The following RFX3 variants were observed in gnomAD, a reference collection of about 807,000 sequenced individuals.
RFX3 encodes transcription factor RFX3.
A neutral mutation model predicts 98.6 loss-of-function variants in RFX3; 14 were observed. The observed-to-expected ratio is 0.14, with a 90% CI of 0.09 to 0.22. The LOEUF (loss-of-function observed/expected upper bound fraction) is 0.22, where lower values mean the gene tolerates loss of function less well. Ranked by LOEUF, RFX3 falls within the 10% of genes least tolerant of loss-of-function variation. RFX3 has a pLI of 1.00. For synonymous variants in RFX3, 383 were observed against 328.4 expected, an observed-to-expected ratio of 1.17 and a Z score of -1.80; for missense variants, 639 against 926.9, an observed-to-expected ratio of 0.69 and a Z score of 4.03.
At chr9:3,405,998 A>T (rs1033096555) in intron 1 of RFX3, among the ~76,000 whole-genome samples, 3 of 152,004 alleles carry the variant, frequency 2.0e-5, no homozygotes, top group African/African-American at 7.3e-5. Context: ...TCTGTTGCCC[A>T]GGCTGCAGTG....
intron 5 of RFX3, among the ~76,000 whole-genome samples, chr9:3,300,141 G>C (rs1319930633): frequency 3.3e-5 from 5 of 151,346 alleles, no homozygotes; most frequent in Non-Finnish European, 7.4e-5. Context: ...CAGGAAATCA[G>C]CCTTTAATGC....
intron 5 of RFX3, among the ~76,000 whole-genome samples, chr9:3,294,749 G>A (rs1010010497): frequency 3.3e-5 from 5 of 152,018 alleles, no homozygotes; most frequent in Middle Eastern, 3.2e-3. Context: ...CATATTGATA[G>A]TTGGCTTTGA....
chr9:3,241,530 C>T (rs943410599), intron 15 of RFX3, among the ~76,000 whole-genome samples: 3 of 151,994 alleles, frequency 2.0e-5, no homozygotes, highest in African/African-American at 7.3e-5. Context: ...ATTCCTTTCT[C>T]AAATCCAAGA....
intron 15 of RFX3, among the ~76,000 whole-genome samples, chr9:3,235,207 T>C (rs1028189224): frequency 6.6e-5 from 10 of 152,224 alleles, no homozygotes; most frequent in African/African-American, 2.4e-4. Flanking sequence ...TGCTCCAATT[T>C]GGGTGGCAGG....
Position 3,248,036 on chromosome 9 carries a change from C to A in RFX3, c.1964G>T (p.Gly655Val), listed in dbSNP as rs1488510399. The A allele has an allele frequency of 3.7e-6, 6 of 1,613,890 alleles. No homozygotes were observed. The highest frequency in any genetic ancestry group is 1.7e-5 in the Admixed American group (1 of 59,978). The change falls in exon 15 of 17, where the codon GGC (glycine) becomes GTC (valine). Residue 655 changes from glycine to valine, a missense_variant. Coordinates refer to ENST00000617270, the MANE Select transcript of RFX3 (RefSeq NM_001282116.2). ...AGCTCTTTCAGCCTCTCTTACCTCG[C>A]CCATGACTGCTATAGGAGTCTCTCC... is the stretch of plus-strand genomic sequence containing the variant. ...ATGETPIAVM[G>V]EFGDLNAVSP...
intron 13 of RFX3, 29 bp downstream of exon 13, chr9:3,262,906 G>A: frequency 6.2e-7 from 1 of 1,607,350 alleles, no homozygotes; most frequent in Non-Finnish European, 8.5e-7. Context: ...CTTTCCTTAA[G>A]AGACATGCTT....
chr9:3,356,588 A>T (rs1025941773), intron 2 of RFX3, among the ~76,000 whole-genome samples: 4 of 151,944 alleles, frequency 2.6e-5, no homozygotes, highest in Non-Finnish European at 5.9e-5. Context: ...CAAATGTTTT[A>T]AAAAACAGAG....
intron 1 of RFX3, among the ~76,000 whole-genome samples, chr9:3,434,163 T>G (rs779952590): frequency 5.9e-5 from 9 of 152,174 alleles, no homozygotes; most frequent in Non-Finnish European, 1.0e-4. Context: ...AAGGCTCTGA[T>G]AAGCCCCATG....
intron 1 of RFX3, among the ~76,000 whole-genome samples, chr9:3,418,424 G>C (rs1221224700): frequency 6.6e-6 from 1 of 151,808 alleles, no homozygotes; most frequent in African/African-American, 2.4e-5. Flanking sequence ...CTGTCACCCA[G>C]GCTGGAGTAC....
At chr9:3,481,077 T>A (rs1426803564) in intron 1 of RFX3, among the ~76,000 whole-genome samples, 1 of 152,206 alleles carries the variant, frequency 6.6e-6, no homozygotes, top group African/African-American at 2.4e-5. Flanking sequence ...TTTATTATTG[T>A]CCAATTATAT....
intron 1 of RFX3, among the ~76,000 whole-genome samples, chr9:3,512,293 T>G (rs1817734927): frequency 1.3e-5 from 2 of 152,006 alleles, no homozygotes; most frequent in African/African-American, 4.8e-5. Context: ...TTATATAGCT[T>G]TAGAGCAATA....
intron 1 of RFX3, 79 bp downstream of exon 1, chr9:3,525,668 A>T (rs1037341186): frequency 1.3e-5 from 2 of 157,174 alleles, no homozygotes; most frequent in Non-Finnish European, 2.8e-5. Flanking sequence ...CGCACACACG[A>T]ACACACACAC....
chr9:3,360,283 G>C (rs1355680868), intron 2 of RFX3, among the ~76,000 whole-genome samples: 2 of 151,620 alleles, frequency 1.3e-5, no homozygotes, highest in African/African-American at 4.9e-5. Context: ...AAAAAAAACA[G>C]TGAAATGGGC....
At chr9:3,292,956 C>T (rs1313865104) in intron 6 of RFX3, 121 bp downstream of exon 6, 1 of 713,848 alleles carries the variant, frequency 1.4e-6, no homozygotes, top group Non-Finnish European at 2.2e-6. Flanking sequence ...ATAAACTGAG[C>T]TCATTCTATG....
Position 3,314,384 on chromosome 9 carries a change from GA to G in RFX3, c.475-12765del, listed in dbSNP as rs1362501358. On this transcript the variant is annotated intron_variant, in intron 4 of 16. Coordinates refer to ENST00000617270, the MANE Select transcript of RFX3 (RefSeq NM_001282116.2). ...GCTGCTGAAGGAAGCACTGAACATG[GA>G]AACAAATAACTGGTACCAGCCACTG... is the stretch of plus-strand genomic sequence containing the variant. Among the ~76,000 whole-genome samples the G allele has an allele frequency of 1.1e-4, 17 of 152,272 alleles. No individual in the cohort carries two copies. The East Asian group carries it at 3.3e-3, about 29-fold the overall frequency.
At chr9:3,379,417 G>GTT (rs893516051) in intron 2 of RFX3, among the ~76,000 whole-genome samples, 1 of 148,500 alleles carries the variant, frequency 6.7e-6, no homozygotes, top group African/African-American at 2.5e-5. Flanking sequence ...ATGAAGTTGG[G>GTT]TTTTTTTTTT....
At chr9:3,238,515 T>C (rs1819483435) in intron 15 of RFX3, among the ~76,000 whole-genome samples, 3 of 152,142 alleles carry the variant, frequency 2.0e-5, no homozygotes, top group South Asian at 4.1e-4. Flanking sequence ...CTAACCCGAG[T>C]GTTTCTCTCT....
intron 2 of RFX3, among the ~76,000 whole-genome samples, chr9:3,373,993 G>A (rs1347103158): frequency 2.6e-5 from 4 of 151,922 alleles, no homozygotes; most frequent in Non-Finnish European, 4.4e-5. Flanking sequence ...CAGAAGAATC[G>A]CTTGAACCCG....
chr9:3,474,281 C>T (rs931313952), intron 1 of RFX3, among the ~76,000 whole-genome samples: 8 of 152,224 alleles, frequency 5.3e-5, no homozygotes, highest in Non-Finnish European at 8.8e-5. Flanking sequence ...ACATTTTGCA[C>T]ATTTCAAGTT....
Sources: allele counts gnomAD v4.1 joint callset (sites outside exome capture counted in the v4.1 genomes callset), GRCh38; gene constraint gnomAD v4.1.1; transcripts MANE v1.5; gene names NCBI Gene and HGNC (gene_info 2026-07-23, HGNC 2026-07-21).